Variants in DNMBP observed in about 807,000 individuals in gnomAD.
The protein encoded by DNMBP is dynamin-binding protein.
A neutral mutation model predicts 150.0 loss-of-function variants in DNMBP; 87 were observed. The ratio of observed to expected loss-of-function variants is 0.58; its 90% CI spans 0.49 to 0.69. The LOEUF (loss-of-function observed/expected upper bound fraction) is 0.69, where lower values mean the gene tolerates loss of function less well. Among genes scored for constraint, DNMBP ranks in the 30% least tolerant of loss-of-function variants. The probability of loss-of-function intolerance (pLI) is 0.00; values close to 1 mark genes in which losing one functional copy is unlikely to be tolerated. For synonymous variants in DNMBP, 711 were observed against 750.4 expected (o/e 0.95, Z 0.86); for missense variants, 1,774 against 1,949.0 (o/e 0.91, Z 1.69).
At chr10:99,936,771 C>T (rs1001232161) in intron 4 of DNMBP, among the ~76,000 whole-genome samples, 2 of 152,182 alleles carry the variant, frequency 1.3e-5, no homozygotes, top group African/African-American at 2.4e-5. Context: ...GTGGTATGAT[C>T]TAAGCTCACT....
At chr10:99,906,670 C>T (rs1003402309) in intron 6 of DNMBP, among the ~76,000 whole-genome samples, 3 of 152,106 alleles carry the variant, frequency 2.0e-5, no homozygotes, top group Non-Finnish European at 4.4e-5. Flanking sequence ...GAGAGGCTCA[C>T]GTGGCAAGAA....
At position 99,956,117 on chromosome 10, in the gene DNMBP, T is replaced by C; in HGVS notation, c.1357A>G (p.Thr453Ala). The change falls in exon 4 of 17, where the codon ACT becomes GCT. Residue 453 changes from threonine (T) to alanine (A), a missense_variant. Thr to Ala is a moderately conservative substitution (Grantham distance 58, BLOSUM62 0). Transcript: ENST00000324109. ...GGAGGTAGGCTGGCATAGTCTCTAG[T>C]CCTTGCTTCTAGGGGAAGAAGGTCG... ...YPDLLPLEAR[T>A]RDYASLPPKR... is the part of the protein sequence containing the mutation. 4 of 1,614,202 alleles carry C rather than the reference T, an allele frequency of 2.5e-6. No homozygotes were observed. Among genetic ancestry groups the C allele is most frequent in the Non-Finnish European group, 3.4e-6 (4 of 1,180,034 alleles).
At chr10:99,884,326 C>T in intron 14 of DNMBP, 117 bp from the exon 15 acceptor site, 1 of 868,354 alleles carries the variant, frequency 1.2e-6, no homozygotes, top group Non-Finnish European at 1.8e-6. Context: ...CACTGCCCAT[C>T]TCACTCCCAT....
intron 5 of DNMBP, 151 bp downstream of exon 5, chr10:99,908,802 T>C: frequency 2.9e-6 from 2 of 694,284 alleles, no homozygotes; most frequent in South Asian, 2.0e-5. Flanking sequence ...GACACACGTA[T>C]GTTGAGGCCC....
At chr10:100,004,585 A>C (rs2041048739) in intron 1 of DNMBP, among the ~76,000 whole-genome samples, 1 of 152,136 alleles carries the variant, frequency 6.6e-6, no homozygotes, top group Non-Finnish European at 1.5e-5. Flanking sequence ...TATTAGAAAA[A>C]CTGGGTCATT....
rs756907602 is a variant in DNMBP, at chr10:99,885,668, C to T, written c.3798+19G>A. 3.0e-5 allele frequency: 46 copies of T among 1,547,582 alleles called. No individual in the cohort carries two copies. The highest frequency in any genetic ancestry group is 3.9e-5 in the Non-Finnish European group (45 of 1,144,380). ...TCTTTACCCCGAGGCGGGGCTGCTGCTCTCAGTTCCCTACTCACCAGGCCC... is the reference window on the plus strand; with the variant it reads ...TCTTTACCCCGAGGCGGGGCTGCTGTTCTCAGTTCCCTACTCACCAGGCCC... On this transcript the variant is annotated intron_variant, in intron 14 of 16. Transcript: ENST00000324109.
At chr10:99,887,847 A>G (rs1046050187) in intron 12 of DNMBP, among the ~76,000 whole-genome samples, 6 of 152,114 alleles carry the variant, frequency 3.9e-5, no homozygotes, top group African/African-American at 1.4e-4. Context: ...TTTTTGAGAC[A>G]GAGTTTCGCT....
chr10:99,980,356 A>T (rs921138059), intron 1 of DNMBP, among the ~76,000 whole-genome samples: 1 of 151,842 alleles, frequency 6.6e-6, no homozygotes, highest in African/African-American at 2.4e-5. Context: ...CTGAGGCAGG[A>T]GAATCGTTTG....
chr10:99,909,115 T>G lies in DNMBP; in HGVS notation c.2292A>C (p.Ser764=). The G allele has an allele frequency of 6.2e-7, 1 of 1,613,988 alleles. No individual in the cohort carries two copies. Among genetic ancestry groups the G allele is most frequent in the Non-Finnish European group, 8.5e-7 (1 of 1,179,980 alleles). Residue 764 remains serine (S), a synonymous_variant, in exon 5 of 17, where the codon TCA becomes TCC. Transcript: ENST00000324109. The stretch of plus-strand genomic sequence containing the variant: ...ACACAGACCCAGAAGGGGCCACCAG[T>G]GATGAAGACTGGGAGGAGAGGAGCG... ...EMTLLSSQSS[S]LVAPSGSVSA...
At chr10:99,990,190 T>C (rs1196568571) in intron 1 of DNMBP, among the ~76,000 whole-genome samples, 1 of 152,094 alleles carries the variant, frequency 6.6e-6, no homozygotes, top group East Asian at 1.9e-4. Context: ...GTTAGGAAGG[T>C]TGGGTTTTGT....
rs147685283 is a variant in DNMBP, at chr10:99,939,395, T to C, written c.2260+15819A>G. On this transcript the variant is annotated intron_variant, in intron 4 of 16. Transcript: ENST00000324109. ...TAGGATGGTCTAACTTGTCTTCCTA[T>C]CTCTAGCACAGCTCTGTAGATGGTA... Among the ~76,000 whole-genome samples the C allele has an allele frequency of 8.4e-3, 1,282 of 152,362 alleles. 18 individuals carry two copies. The highest frequency in any genetic ancestry group is 0.045 in the Middle Eastern group (13 of 290).
chr10:99,975,142 C>G (rs1589446244), intron 1 of DNMBP, among the ~76,000 whole-genome samples: 1 of 151,946 alleles, frequency 6.6e-6, no homozygotes, highest in Non-Finnish European at 1.5e-5. Flanking sequence ...GGTGGATCAC[C>G]TGAGGTCAGG....
intron 1 of DNMBP, among the ~76,000 whole-genome samples, chr10:99,975,577 A>T (rs1157057667): frequency 6.6e-6 from 1 of 152,196 alleles, no homozygotes; most frequent in Non-Finnish European, 1.5e-5. Context: ...ACTTGAGTCC[A>T]CAGTGGAAAA....
At chr10:99,990,770 T>C (rs1455411886) in intron 1 of DNMBP, among the ~76,000 whole-genome samples, 1 of 117,048 alleles carries the variant, frequency 8.5e-6, no homozygotes, top group East Asian at 2.2e-4. Flanking sequence ...TATACACATA[T>C]ATACACATAT....
rs2039343139 is a variant in DNMBP at position 99,880,163 on chromosome 10, C to G, written c.4196G>C (p.Cys1399Ser). 1 of 1,613,980 alleles carries G rather than the reference C, an allele frequency of 6.2e-7. No individual in the cohort carries two copies. Among genetic ancestry groups the G allele is most frequent in the Non-Finnish European group, 8.5e-7 (1 of 1,180,038 alleles). ...SMAVSFTSGS[C>S]QKQPQDASPP... is the part of the protein sequence containing the mutation. ...AGATGCATCTTGAGGCTGCTTCTGG[C>G]AAGACCCCGAGGTAAAGGATACAGC... Residue 1399 changes from cysteine (C) to serine (S), a missense_variant, in exon 16 of 17, where the codon TGC (cysteine) becomes TCC (serine). Around this residue, in one of 2 missense-constraint regions of DNMBP, gnomAD observed 1,430 missense variants for 1,492.5 expected, o/e 0.96. Coordinates refer to ENST00000324109, the MANE Select transcript of DNMBP (RefSeq NM_015221.4).
chr10:99,913,014 G>T (rs761336953), intron 4 of DNMBP, among the ~76,000 whole-genome samples: 1 of 152,144 alleles, frequency 6.6e-6, no homozygotes, highest in Non-Finnish European at 1.5e-5. Flanking sequence ...TAGTATCTGG[G>T]CCATGCGTGG....
chr10:99,933,601 T>C (rs1247210047), intron 4 of DNMBP, among the ~76,000 whole-genome samples: 1 of 152,234 alleles, frequency 6.6e-6, no homozygotes, highest in Non-Finnish European at 1.5e-5. Context: ...GTGGGAGTTA[T>C]GGCACGCTTT....
At chr10:99,990,802 TATATACAC>T (rs1564756380) in intron 1 of DNMBP, among the ~76,000 whole-genome samples, 159 of 92,754 alleles carry the variant, frequency 1.7e-3, no homozygotes, top group East Asian at 8.1e-3. Context: ...TATACACACA[TATATACAC>T]ATATATATAT....
chr10:99,972,905 C>G (rs926417836), intron 1 of DNMBP, among the ~76,000 whole-genome samples: 3 of 152,180 alleles, frequency 2.0e-5, no homozygotes, highest in Non-Finnish European at 2.9e-5. Context: ...GCTCAGCCTC[C>G]CAAGTAGGTA....
Sources: gnomAD v4.1 joint callset for allele counts (sites outside exome capture counted in the v4.1 genomes callset) on GRCh38, gnomAD v4.1.1 for gene constraint, gnomAD v4.1.1 regional missense constraint, MANE v1.5 for transcripts, NCBI Gene and HGNC (gene_info 2026-07-23, HGNC 2026-07-21) for gene names.